Variants in MAX observed in about 807,000 individuals in gnomAD.
MAX encodes the protein MYC associated transcriptional regulator X, also known as protein max.
A neutral mutation model predicts 22.3 loss-of-function variants in MAX; 3 were observed. The ratio of observed to expected loss-of-function variants is 0.13; its 90% CI spans 0.06 to 0.35. The LOEUF is 0.35. Among genes scored for constraint, MAX ranks in the 10% least tolerant of loss-of-function variants. The pLI is 1.00. For synonymous variants in MAX, 72 were observed against 77.7 expected (o/e 0.93, Z 0.39); for missense variants, 119 against 209.4 (o/e 0.57, Z 2.66).
intron 3 of MAX, among the ~76,000 whole-genome samples, chr14:65,051,926 C>T (rs2062623177): frequency 6.6e-6 from 1 of 151,708 alleles, no homozygotes; most frequent in Admixed American, 6.6e-5. Context: ...TCCTGAGTAG[C>T]TGGGACTACA....
At chr14:65,091,840 C>A (rs1288904977) in intron 3 of MAX, 1 of 152,216 alleles carries the variant, frequency 6.6e-6, no homozygotes, top group African/African-American at 2.4e-5. Context: ...ATCATTTCCT[C>A]ATCAGAGCAA....
intron 3 of MAX, among the ~76,000 whole-genome samples, chr14:65,033,586 G>A (rs568275334): frequency 7.2e-5 from 11 of 152,260 alleles, no homozygotes; most frequent in Middle Eastern, 6.8e-3. Context: ...GGCCAGGTGC[G>A]GTGGCTCACG....
intron 3 of MAX, chr14:65,041,026 G>C: frequency 6.6e-7 from 1 of 1,507,400 alleles, no homozygotes; most frequent in Admixed American, 1.9e-5. Context: ...AGGGCTAAGA[G>C]AGTTAGCTCT....
intron 3 of MAX, among the ~76,000 whole-genome samples, chr14:65,085,450 C>T (rs1003564102): frequency 6.6e-5 from 10 of 152,088 alleles, no homozygotes; most frequent in African/African-American, 2.2e-4. Flanking sequence ...TCTATCCTTC[C>T]GAATCTCAAG....
rs1272870283 is a variant in MAX at position 65,082,777 on chromosome 14, A to C, written c.172-4741T>G. ...AGTGAGACCCTGTATAAAAAAAAAA[A>C]AGTGAAAAATGGTAGTTTGTAATAG... On this transcript the variant is annotated intron_variant, in intron 3 of 4. Coordinates refer to ENST00000358664, the MANE Select transcript of MAX (RefSeq NM_002382.5). This position sits in a 1 kb window ranked among gnomAD's most constrained non-coding sequence, Gnocchi z 4.8. 1.3e-5 allele frequency among the ~76,000 whole-genome samples: 2 copies of C among 152,220 alleles called. No individual in the cohort carries two copies. Among genetic ancestry groups the C allele is most frequent in the African/African-American group, 4.8e-5 (2 of 41,462 alleles).
At chr14:65,101,886 CG>C (rs1171534451) in intron 1 of MAX, among the ~76,000 whole-genome samples, 1 of 152,332 alleles carries the variant, frequency 6.6e-6, no homozygotes, top group East Asian at 1.9e-4. Flanking sequence ...CGCCCTTCCC[CG>C]GCCCCCAGGA....
chr14:65,008,901 A>G (rs1395196005), intron 3 of MAX, among the ~76,000 whole-genome samples: 1 of 152,170 alleles, frequency 6.6e-6, no homozygotes, highest in Non-Finnish European at 1.5e-5. Flanking sequence ...CATAGCCTTA[A>G]TAGATTTACC....
In MAX at chr14:65,032,982, A is replaced by G. The variant is rs2062114980; in HGVS notation, c.172-26698T>C. 6.6e-6 allele frequency among the ~76,000 whole-genome samples: 1 copy of G among 152,236 alleles called. No homozygotes were observed. Among genetic ancestry groups the G allele is most frequent in the Non-Finnish European group, 1.5e-5 (1 of 68,050 alleles). On this transcript the variant is annotated intron_variant, in intron 3 of 3. Transcript: ENST00000341653. This position sits in a 1 kb window ranked among gnomAD's most constrained non-coding sequence, Gnocchi z 5.0. ...CCAGTTTTTAGAGCAATTTGACAGT[A>G]TGTCAAAGGTGCCCTTGCGTAGGAC... is the stretch of plus-strand genomic sequence containing the variant.
chr14:65,027,685 C>T lies in MAX; in HGVS notation c.172-21401G>A, dbSNP rs375947139. 6.2e-7 allele frequency: 1 copy of T among 1,614,090 alleles called. No homozygotes were observed. Among genetic ancestry groups the T allele is most frequent in the Non-Finnish European group, 8.5e-7 (1 of 1,180,036 alleles). ...TGACTGTTGCCTCTCCTACCTCTTT[C>T]CCTGTTTCTCAGAGAGAAGCTTCTT... On this transcript the variant is annotated intron_variant, in intron 3 of 3. Coordinates refer to the MAX transcript ENST00000341653. This position sits in a 1 kb window ranked among gnomAD's most constrained non-coding sequence, Gnocchi z 5.7.
chr14:65,055,922 C>G (rs1316103531), intron 3 of MAX, among the ~76,000 whole-genome samples: 1 of 152,166 alleles, frequency 6.6e-6, no homozygotes, highest in African/African-American at 2.4e-5. Flanking sequence ...AGAAAAACCA[C>G]CACCCAGCTT....
At position 65,010,268 on chromosome 14, in the gene MAX, G is replaced by A. The variant is rs143659687; in HGVS notation, c.172-3984C>T. On this transcript the variant is annotated intron_variant, in intron 3 of 3. Transcript: ENST00000341653. ...GGCTCCTCCAAACCCTTAGAGATGGGTCTTCCCACAGTTTTGTTTCCAAAC... is the reference window on the plus strand; with the variant it reads ...GGCTCCTCCAAACCCTTAGAGATGGATCTTCCCACAGTTTTGTTTCCAAAC... 2.7e-3 allele frequency among the ~76,000 whole-genome samples: 418 copies of A among 152,264 alleles called. 2 individuals are homozygous for A. The highest frequency in any genetic ancestry group is 0.01 in the Middle Eastern group (3 of 294).
At position 65,009,174 on chromosome 14, in the gene MAX, C is replaced by A. The variant is rs1009178387; in HGVS notation, c.172-2890G>T. 1.3e-5 allele frequency among the ~76,000 whole-genome samples: 2 copies of A among 152,136 alleles called. No individual in the cohort carries two copies. The highest frequency in any genetic ancestry group is 4.8e-5 in the African/African-American group (2 of 41,414). On this transcript the variant is annotated intron_variant, in intron 3 of 3. Coordinates refer to the MAX transcript ENST00000341653. The surrounding 1 kb of genome is among the most constrained non-coding windows in gnomAD (Gnocchi z 4.2). The stretch of plus-strand genomic sequence containing the variant: ...ATGAAGGACCGGTGAGGGTATTAGT[C>A]AGCTTGGGCTGCCATAAGACGGTAT...
intron 3 of MAX, among the ~76,000 whole-genome samples, chr14:65,086,864 G>C: frequency 6.6e-6 from 1 of 152,226 alleles, no homozygotes; most frequent in Non-Finnish European, 1.5e-5. Flanking sequence ...GCATGTCAGA[G>C]ATCTTCACAG....
intron 3 of MAX, among the ~76,000 whole-genome samples, chr14:65,056,769 C>G (rs1411040065): frequency 1.3e-5 from 2 of 152,010 alleles, no homozygotes. Flanking sequence ...GAATATCTTC[C>G]AGCTTGTGAC....
At chr14:65,015,697 C>T in intron 3 of MAX, 1 of 1,614,128 alleles carries the variant, frequency 6.2e-7, no homozygotes, top group Non-Finnish European at 8.5e-7. Flanking sequence ...TGAACCCATC[C>T]CCCAGATAGT....
Position 65,062,871 on chromosome 14 carries a change from T to C in MAX, c.171+30837A>G, listed in dbSNP as rs1347471991. Among the ~76,000 whole-genome samples, 1 of 152,186 alleles carries C rather than the reference T, an allele frequency of 6.6e-6. No individual in the cohort carries two copies. The highest frequency in any genetic ancestry group is 1.5e-5 in the Non-Finnish European group (1 of 68,032). The stretch of plus-strand genomic sequence containing the variant: ...GGGAAGAGATGTTTTCCAAGCTCCC[T>C]GGGGTAATTCGGTATGCTATGTCCC... On this transcript the variant is annotated intron_variant, in intron 3 of 3. Coordinates refer to the MAX transcript ENST00000341653. The surrounding 1 kb of genome is among the most constrained non-coding windows in gnomAD (Gnocchi z 4.3).
At chr14:65,013,323 T>G (rs2061713159) in intron 3 of MAX, among the ~76,000 whole-genome samples, 1 of 101,506 alleles carries the variant, frequency 9.9e-6, no homozygotes, top group African/African-American at 4.6e-5. Context: ...CATCTTTGTT[T>G]CCTTTTTTTT....
Position 65,012,242 on chromosome 14 carries a change from G to A in MAX, c.172-5958C>T. 1 of 1,581,288 alleles carries A rather than the reference G, an allele frequency of 6.3e-7. No homozygotes were observed. Among genetic ancestry groups the A allele is most frequent in the African/African-American group, 1.3e-5 (1 of 74,360 alleles). Reference sequence around the variant, plus strand: ...TGAAGCTGAGTGTTTACCCGTGTGTGTGTACGTGCACATACGTGTGTATGG... The same window carrying A: ...TGAAGCTGAGTGTTTACCCGTGTGTATGTACGTGCACATACGTGTGTATGG... On this transcript the variant is annotated intron_variant, in intron 3 of 3. Transcript: ENST00000341653. This position sits in a 1 kb window ranked among gnomAD's most constrained non-coding sequence, Gnocchi z 5.0.
chr14:65,086,867 C>A (rs2063347472), intron 3 of MAX, among the ~76,000 whole-genome samples: 1 of 152,226 alleles, frequency 6.6e-6, no homozygotes, highest in Non-Finnish European at 1.5e-5. Flanking sequence ...TGTCAGAGAT[C>A]TTCACAGCAG....
Sources: allele counts gnomAD v4.1 joint callset (sites outside exome capture counted in the v4.1 genomes callset), GRCh38; gene constraint gnomAD v4.1.1; non-coding constraint Gnocchi (gnomAD v3.1); transcripts MANE v1.5; gene names NCBI Gene and HGNC (gene_info 2026-07-23, HGNC 2026-07-21).